Variants in DTNA observed in about 807,000 individuals in gnomAD.
The protein encoded by DTNA is dystrophin-related protein 3.
In DTNA, 43 loss-of-function variants were observed where a neutral mutation model predicts 100.7. The ratio of observed to expected loss-of-function variants is 0.43; its 90% CI spans 0.33 to 0.55. The LOEUF (loss-of-function observed/expected upper bound fraction) is 0.55. Among genes scored for constraint, DTNA ranks in the 20% least tolerant of loss-of-function variants. The probability of loss-of-function intolerance (pLI) is 0.04; values close to 1 mark genes in which losing one functional copy is unlikely to be tolerated. For synonymous variants in DTNA, 349 were observed against 347.9 expected, an observed-to-expected ratio of 1.00 and a Z score of -0.04; for missense variants, 798 against 953.9, an observed-to-expected ratio of 0.84 and a Z score of 2.15.
intron 1 of DTNA, among the ~76,000 whole-genome samples, chr18:34,656,811 G>A (rs1397675351): frequency 3.3e-5 from 5 of 152,140 alleles, no homozygotes; most frequent in African/African-American, 1.2e-4. Context: ...TAAAAATTTA[G>A]TGAAATGATG....
intron 1 of DTNA, among the ~76,000 whole-genome samples, chr18:34,599,197 A>C (rs185562697): frequency 2.0e-5 from 3 of 152,284 alleles, no homozygotes; most frequent in Admixed American, 2.0e-4. Flanking sequence ...GGGCTTCAGA[A>C]TGTATCTTCA....
intron 1 of DTNA, among the ~76,000 whole-genome samples, chr18:34,622,397 T>C (rs1024209626): frequency 1.3e-5 from 2 of 152,140 alleles, no homozygotes; most frequent in Non-Finnish European, 2.9e-5. Flanking sequence ...ACCACACTGG[T>C]TTAGTAAAAA....
chr18:34,715,282 A>C (rs2083802227), intron 1 of DTNA, among the ~76,000 whole-genome samples: 1 of 152,196 alleles, frequency 6.6e-6, no homozygotes, highest in Non-Finnish European at 1.5e-5. Context: ...TGACAGGAAA[A>C]ATGCAAACTC....
chr18:34,576,485 A>G (rs2048124064), intron 1 of DTNA, among the ~76,000 whole-genome samples: 1 of 152,022 alleles, frequency 6.6e-6, no homozygotes, highest in Non-Finnish European at 1.5e-5. Context: ...ATTTATTTTG[A>G]GATGGAATCT....
chr18:34,548,620 C>T (rs2045060860), intron 1 of DTNA, among the ~76,000 whole-genome samples: 1 of 152,004 alleles, frequency 6.6e-6, no homozygotes, highest in South Asian at 2.1e-4. Flanking sequence ...TCTGTGCACA[C>T]CCTCCTTCCC....
At chr18:34,514,305 T>TG (rs2041379545) in intron 1 of DTNA, among the ~76,000 whole-genome samples, 1 of 152,070 alleles carries the variant, frequency 6.6e-6, no homozygotes, top group African/African-American at 2.4e-5. Context: ...ACCTGGTTGT[T>TG]GGGGGGAGTG....
At chr18:34,693,974 A>C (rs1215300492) in intron 1 of DTNA, among the ~76,000 whole-genome samples, 2 of 152,184 alleles carry the variant, frequency 1.3e-5, no homozygotes, top group Admixed American at 6.5e-5. Flanking sequence ...GAAAAGATAC[A>C]GGTATATGTC....
At chr18:34,707,126 C>T (rs933639170), upstream of DTNA, among the ~76,000 whole-genome samples, 6 of 152,052 alleles carry the variant, frequency 3.9e-5, no homozygotes, top group South Asian at 2.1e-4. Context: ...TTAATTTAAG[C>T]GCGTGACTTC....
intron 1 of DTNA, among the ~76,000 whole-genome samples, chr18:34,651,288 A>G (rs1327535808): frequency 2.0e-5 from 3 of 152,228 alleles, no homozygotes; most frequent in Admixed American, 1.3e-4. Flanking sequence ...ATACCTTCCT[A>G]GTAAGATTAC....
intron 16 of DTNA, among the ~76,000 whole-genome samples, chr18:34,862,124 C>CAAAAAAAAAAAAAAAAA (rs1002538086): frequency 5.3e-5 from 3 of 56,264 alleles, no homozygotes; most frequent in African/African-American, 7.0e-5. Context: ...CAGACAAGGT[C>CAAAAAAAAAAAAAAAAA]AAAAAAAAAA....
intron 22 of DTNA, among the ~76,000 whole-genome samples, chr18:34,886,926 T>G (rs1261103592): frequency 2.0e-5 from 3 of 152,240 alleles, no homozygotes; most frequent in Non-Finnish European, 4.4e-5. Flanking sequence ...GCCAGTTTAT[T>G]TCATTAAAAT....
intron 1 of DTNA, among the ~76,000 whole-genome samples, chr18:34,642,553 C>CTTTCTTTCT (rs909099389): frequency 1.3e-5 from 2 of 149,990 alleles, no homozygotes; most frequent in African/African-American, 4.9e-5. Flanking sequence ...TTCCTTCTTT[C>CTTTCTTTCT]TTTCTTTCTT....
rs148559237 is a variant in DTNA at position 34,559,352 on chromosome 18, A to C, written c.-2+65838A>C. Among the ~76,000 whole-genome samples, 13 of 152,340 alleles carry C rather than the reference A, an allele frequency of 8.5e-5. No individual in the cohort carries two copies. In the East Asian group the frequency reaches 2.3e-3, roughly 27 times the overall value. ...CAAGTTCTGTGGATAAGTGGGGGGA[A>C]AAATGAATAGAGAATTAAAGTATTC... On this transcript the variant is annotated intron_variant, in intron 1 of 19. Coordinates refer to the DTNA transcript ENST00000283365.
chr18:34,695,280 A>G (rs1373749215), intron 1 of DTNA, among the ~76,000 whole-genome samples: 2 of 152,176 alleles, frequency 1.3e-5, no homozygotes, highest in East Asian at 3.8e-4. Context: ...GTAAAGTTGT[A>G]ACTGCAAGCA....
chr18:34,567,747 T>C (rs2047210481), intron 1 of DTNA, among the ~76,000 whole-genome samples: 1 of 152,196 alleles, frequency 6.6e-6, no homozygotes, highest in Non-Finnish European at 1.5e-5. Flanking sequence ...CTCCAAGACT[T>C]CAGCACATCT....
In DTNA at chr18:34,553,804, A is replaced by G. The variant is rs537866342; in HGVS notation, c.-2+60290A>G. 3.3e-3 allele frequency among the ~76,000 whole-genome samples: 507 copies of G among 152,186 alleles called. 2 individuals carry two copies. The highest frequency in any genetic ancestry group is 0.011 in the African/African-American group (472 of 41,516). On this transcript the variant is annotated intron_variant, in intron 1 of 19. Coordinates refer to the DTNA transcript ENST00000283365. ...GTAGCCTTGTATAGTTTGAAGTCAG[A>G]TAGTGTGATGCCTCCAGCTTTGTTC... is the stretch of plus-strand genomic sequence containing the variant.
At chr18:34,846,687 A>G (rs1441284135) in intron 13 of DTNA, among the ~76,000 whole-genome samples, 2 of 152,188 alleles carry the variant, frequency 1.3e-5, no homozygotes, top group Non-Finnish European at 2.9e-5. Flanking sequence ...AACCTGTTAT[A>G]TAGTGGATTC....
intron 14 of DTNA, among the ~76,000 whole-genome samples, chr18:34,849,060 C>T (rs1305614862): frequency 2.0e-5 from 3 of 152,178 alleles, no homozygotes; most frequent in African/African-American, 7.2e-5. Flanking sequence ...GGCAGTTGCT[C>T]TCTGTGACAT....
intron 1 of DTNA, among the ~76,000 whole-genome samples, chr18:34,745,752 A>G (rs890499176): frequency 2.6e-5 from 4 of 152,296 alleles, no homozygotes; most frequent in Non-Finnish European, 4.4e-5. Flanking sequence ...GGCACTCCCC[A>G]TAAAATAAAA....
Sources: allele counts gnomAD v4.1 joint callset (sites outside exome capture counted in the v4.1 genomes callset), GRCh38; gene constraint gnomAD v4.1.1; transcripts MANE v1.5; gene names NCBI Gene and HGNC (gene_info 2026-07-23, HGNC 2026-07-21).